EDA: variants seen among roughly 807,000 people sequenced by gnomAD.
EDA encodes ectodysplasin-A.
Under a neutral mutation model 23.6 loss-of-function variants are expected in EDA, and 2 were observed. That is an observed-to-expected ratio of 0.08 (90% CI 0.03 to 0.27). The LOEUF (loss-of-function observed/expected upper bound fraction) is 0.27. Ranked by LOEUF, EDA falls within the 10% of genes least tolerant of loss-of-function variation. EDA has a pLI of 1.00. For missense variants in EDA, 229 were observed against 324.2 expected, an observed-to-expected ratio of 0.71 and a Z score of 2.26; for synonymous variants, 131 against 132.0, an observed-to-expected ratio of 0.99 and a Z score of 0.05.
intron 1 of EDA, among the ~76,000 whole-genome samples, chrX:69,844,903 G>A (rs922662667): frequency 3.6e-5 from 4 of 112,206 alleles, no homozygotes; most frequent in Non-Finnish European, 7.5e-5. Context: ...CTCAGCGTAA[G>A]TACATTTCTC....
chrX:69,839,141 G>C (rs2016843568), intron 1 of EDA, among the ~76,000 whole-genome samples: 1 of 112,106 alleles, frequency 8.9e-6, no homozygotes, highest in African/African-American at 3.2e-5. Context: ...CAACAGTATA[G>C]TAACAAACAG....
At chrX:69,792,207 T>C (rs764743509) in intron 1 of EDA, among the ~76,000 whole-genome samples, 1 of 111,891 alleles carries the variant, frequency 8.9e-6, no homozygotes, top group South Asian at 3.8e-4. Context: ...AGTGAGAACA[T>C]ATGATATTAA....
chrX:69,838,559 G>A (rs935135178), intron 1 of EDA, among the ~76,000 whole-genome samples: 3 of 112,389 alleles, frequency 2.7e-5, no homozygotes, highest in African/African-American at 9.7e-5. Flanking sequence ...CCCAGGAGGC[G>A]GTGCTTGCAG....
chrX:70,034,813 A>G (rs111557404), intron 7 of EDA, among the ~76,000 whole-genome samples: 270 of 111,910 alleles, frequency 2.4e-3, no homozygotes, highest in Non-Finnish European at 4.5e-3. Context: ...GGCACTGTGA[A>G]TCAGTGAGGG....
intron 1 of EDA, among the ~76,000 whole-genome samples, chrX:69,689,786 T>C (rs1934656708): frequency 8.9e-6 from 1 of 111,814 alleles, no homozygotes; most frequent in Non-Finnish European, 1.9e-5. Flanking sequence ...TATTAAGTCC[T>C]CTAGTCTATA....
At chrX:69,797,977 G>A (rs775448705) in intron 1 of EDA, among the ~76,000 whole-genome samples, 16 of 111,873 alleles carry the variant, frequency 1.4e-4, no homozygotes, top group Non-Finnish European at 1.9e-4. Flanking sequence ...ATGGAAGAAC[G>A]TACATATCCT....
rs754559009 is a variant in EDA, at chrX:69,726,442, T to G, written c.396+109738T>G. On this transcript the variant is annotated intron_variant, in intron 1 of 7. Coordinates refer to ENST00000374552, the MANE Select transcript of EDA (RefSeq NM_001399.5). The stretch of plus-strand genomic sequence containing the variant: ...GTGGAGCTTTGAATCAGCTCAACCT[T>G]AGCAGGATTAATGTGATCTGTCCTT... Among the ~76,000 whole-genome samples the G allele has an allele frequency of 3.6e-5, 4 of 112,299 alleles. No homozygotes were observed. The South Asian group carries it at 1.5e-3, about 42-fold the overall frequency.
chrX:69,856,374 A>G (rs1330810423), intron 1 of EDA, among the ~76,000 whole-genome samples: 2 of 107,058 alleles, frequency 1.9e-5, no homozygotes, highest in Non-Finnish European at 3.8e-5. Context: ...CTCGAGGTAG[A>G]TACCCAGTAG....
chrX:69,690,266 G>A (rs192173073), intron 1 of EDA, among the ~76,000 whole-genome samples: 135 of 111,735 alleles, frequency 1.2e-3, no homozygotes, highest in African/African-American at 4.2e-3. Flanking sequence ...TTAGTATAAT[G>A]TTAGCTCTGG....
At chrX:69,637,305 A>T (rs1398180941) in intron 1 of EDA, among the ~76,000 whole-genome samples, 1 of 111,226 alleles carries the variant, frequency 9.0e-6, no homozygotes, top group African/African-American at 3.3e-5. Context: ...TCCCCAGAGA[A>T]CTGAGCACGT....
chrX:70,014,960 G>A (rs1025524446), intron 2 of EDA, among the ~76,000 whole-genome samples: 1 of 112,133 alleles, frequency 8.9e-6, no homozygotes, highest in African/African-American at 3.2e-5. Context: ...TCTTGAAAGA[G>A]AGGGAGGGAA....
rs780733223 is a variant in EDA, at chrX:70,038,315, G to A, written c.*2706G>A. 9 of 111,207 alleles carry A rather than the reference G, an allele frequency of 8.1e-5. No homozygotes were observed. The East Asian group carries it at 2.6e-3, about 32-fold the overall frequency. 9.2% of individuals were successfully genotyped at this position (111,207 alleles called of 1,213,427 possible). On this transcript the variant is annotated 3_prime_UTR_variant, in exon 8 of 8. Transcript: ENST00000374552. Reference sequence around the variant, plus strand: ...AACTCTAGAGGGCGAGGGATGATGAGGGAAGCAATAGGTAGCTGGGGAGCC... The same window carrying A: ...AACTCTAGAGGGCGAGGGATGATGAAGGAAGCAATAGGTAGCTGGGGAGCC...
chrX:69,922,737 T>C (rs547101948), intron 1 of EDA, among the ~76,000 whole-genome samples: 156 of 111,955 alleles, frequency 1.4e-3, no homozygotes, highest in African/African-American at 5.0e-3. Flanking sequence ...TTTGTGCTTC[T>C]GTACTAATTA....
At chrX:69,737,172 T>C (rs751726869) in intron 1 of EDA, among the ~76,000 whole-genome samples, 1 of 112,272 alleles carries the variant, frequency 8.9e-6, no homozygotes, top group African/African-American at 3.2e-5. Flanking sequence ...AACATATAGT[T>C]GACTTTTTAT....
intron 1 of EDA, among the ~76,000 whole-genome samples, chrX:69,878,202 T>A (rs1258185799): frequency 8.9e-6 from 1 of 112,650 alleles, no homozygotes; most frequent in East Asian, 2.8e-4. Context: ...TGATTTCCAT[T>A]GTGCAACAGA....
intron 1 of EDA, among the ~76,000 whole-genome samples, chrX:69,657,980 T>C (rs893240540): frequency 1.8e-5 from 2 of 111,666 alleles, no homozygotes; most frequent in Non-Finnish European, 1.9e-5. Flanking sequence ...AAGCTTTGAA[T>C]AGCTTTTTTT....
chrX:69,874,445 C>T (rs143486808), intron 1 of EDA, among the ~76,000 whole-genome samples: 1 of 111,964 alleles, frequency 8.9e-6, no homozygotes, highest in Admixed American at 9.4e-5. Flanking sequence ...ATCCATCATC[C>T]CTTTATGTTT....
intron 1 of EDA, among the ~76,000 whole-genome samples, chrX:69,716,528 T>C (rs370446750): frequency 9.0e-6 from 1 of 111,183 alleles, no homozygotes; most frequent in African/African-American, 3.3e-5. Context: ...TTTTTTTTTT[T>C]CCTTAGGATT....
At chrX:69,674,565 T>G (rs1934015750) in intron 1 of EDA, among the ~76,000 whole-genome samples, 1 of 112,086 alleles carries the variant, frequency 8.9e-6, no homozygotes, top group Non-Finnish European at 1.9e-5. Context: ...CTTGATATTA[T>G]TCTTTCATGG....
Sources: gnomAD v4.1 joint callset for allele counts (sites outside exome capture counted in the v4.1 genomes callset) on GRCh38, gnomAD v4.1.1 for gene constraint, MANE v1.5 for transcripts, NCBI Gene and HGNC (gene_info 2026-07-23, HGNC 2026-07-21) for gene names.